The following KDM4B variants were observed in gnomAD, a reference collection of about 807,000 sequenced individuals.
KDM4B encodes lysine-specific demethylase 4B.
KDM4B carries 32 observed loss-of-function variants against 125.2 expected under a neutral mutation model. The observed-to-expected ratio is 0.26, with a 90% CI of 0.19 to 0.34. KDM4B has a LOEUF of 0.34. Ranked by LOEUF, KDM4B falls within the 10% of genes least tolerant of loss-of-function variation. The pLI is 1.00. For missense variants in KDM4B, 1,190 were observed against 1,577.7 expected (o/e 0.75, Z 4.16); for synonymous variants, 721 against 677.9 (o/e 1.06, Z -0.99).
intron 9 of KDM4B, among the ~76,000 whole-genome samples, chr19:5,089,717 A>G (rs1406921532): frequency 1.3e-5 from 2 of 151,120 alleles, no homozygotes; most frequent in Non-Finnish European, 2.9e-5. Flanking sequence ...AAAAAAACCC[A>G]CATACTCCTC....
chr19:5,036,805 C>T (rs1001702932), intron 3 of KDM4B, among the ~76,000 whole-genome samples: 20 of 152,226 alleles, frequency 1.3e-4, no homozygotes, highest in Non-Finnish European at 2.5e-4. Flanking sequence ...ATTTGCGTCT[C>T]GGCAGATTGT....
chr19:5,002,116 G>A (rs551456990), intron 1 of KDM4B, among the ~76,000 whole-genome samples: 61 of 151,912 alleles, frequency 4.0e-4, no homozygotes, highest in Non-Finnish European at 7.1e-4. Flanking sequence ...TCCTGCCTCA[G>A]CCTCCTGAGT....
Position 5,055,439 on chromosome 19 carries a change from A to C in KDM4B, c.626+7770A>C, listed in dbSNP as rs185891969. Among the ~76,000 whole-genome samples the C allele has an allele frequency of 3.8e-3, 582 of 152,216 alleles. 7 individuals are homozygous for C. Among genetic ancestry groups the C allele is most frequent in the Non-Finnish European group, 2.0e-3 (136 of 68,024 alleles). On this transcript the variant is annotated intron_variant, in intron 6 of 22. Coordinates refer to ENST00000159111, the MANE Select transcript of KDM4B (RefSeq NM_015015.3). ...CCAAGCTCTCCTCCAGAGCCGTGCCACTGAGCTGGGGACTTCCGGTGTTTG... is the reference window on the plus strand; with the variant it reads ...CCAAGCTCTCCTCCAGAGCCGTGCCCCTGAGCTGGGGACTTCCGGTGTTTG...
intron 22 of KDM4B, 67 bp from the exon 23 acceptor site, chr19:5,151,268 A>G: frequency 7.6e-7 from 1 of 1,317,904 alleles, no homozygotes; most frequent in Non-Finnish European, 9.9e-7. Flanking sequence ...CAGAGGCCAT[A>G]GACAGTGGCT....
chr19:5,047,338 TG>T (rs565046565), intron 5 of KDM4B, 137 bp from the exon 6 acceptor site: 382 of 733,450 alleles, frequency 5.2e-4, no homozygotes, highest in African/African-American at 8.7e-4. Flanking sequence ...GACCGGCCCC[TG>T]GGGGGGCCGC....
intron 9 of KDM4B, among the ~76,000 whole-genome samples, chr19:5,106,248 TTG>T (rs35386151): frequency 1.4e-3 from 209 of 151,300 alleles, no homozygotes; most frequent in African/African-American, 3.7e-3. Flanking sequence ...GTTAGAGTCA[TTG>T]TGTGTGTGTG....
intron 18 of KDM4B, chr19:5,140,600 C>G (rs56331801): frequency 1.3e-5 from 2 of 152,082 alleles, no homozygotes; most frequent in Non-Finnish European, 2.9e-5. Flanking sequence ...CTCTGCATGG[C>G]GGGACGTGCC....
At chr19:5,105,581 C>T (rs892000530) in intron 9 of KDM4B, among the ~76,000 whole-genome samples, 3 of 152,134 alleles carry the variant, frequency 2.0e-5, no homozygotes, top group Admixed American at 1.3e-4. Context: ...AGTAGGCGTG[C>T]ACCACCACAC....
chr19:5,014,218 T>G (rs984171564), intron 1 of KDM4B, among the ~76,000 whole-genome samples: 1 of 152,228 alleles, frequency 6.6e-6, no homozygotes, highest in Non-Finnish European at 1.5e-5. Flanking sequence ...CCTGGGCTCA[T>G]GCGATCCTCC....
intron 1 of KDM4B, among the ~76,000 whole-genome samples, chr19:4,992,294 C>G (rs1053521751): frequency 6.6e-6 from 1 of 152,124 alleles, no homozygotes; most frequent in Non-Finnish European, 1.5e-5. Flanking sequence ...ATCTTTGTTA[C>G]GTACTGTGCT....
chr19:5,135,634 C>T, intron 15 of KDM4B, 73 bp downstream of exon 15: 1 of 1,311,368 alleles, frequency 7.6e-7, no homozygotes, highest in African/African-American at 1.5e-5. Flanking sequence ...GGTGGGGGCT[C>T]CATCCTCCCC....
At position 5,100,209 on chromosome 19, in the gene KDM4B, C is replaced by T. The variant is rs544167551; in HGVS notation, c.919-10413C>T. Reference sequence around the variant, plus strand: ...CGTGTCTGATTTTTGTCACTTGCCCCTCCTTGGGCCTTTCCATCCATCTTT... The same window carrying T: ...CGTGTCTGATTTTTGTCACTTGCCCTTCCTTGGGCCTTTCCATCCATCTTT... On this transcript the variant is annotated intron_variant, in intron 9 of 22. Coordinates refer to ENST00000159111, the MANE Select transcript of KDM4B (RefSeq NM_015015.3). Among the ~76,000 whole-genome samples the T allele has an allele frequency of 2.6e-5, 4 of 152,326 alleles. No individual in the cohort carries two copies. The East Asian group carries it at 7.7e-4, about 29-fold the overall frequency.
At chr19:5,048,169 T>C (rs1236107762) in intron 6 of KDM4B, among the ~76,000 whole-genome samples, 1 of 151,978 alleles carries the variant, frequency 6.6e-6, no homozygotes, top group Non-Finnish European at 1.5e-5. Context: ...CTGTGTGCAG[T>C]GTGGTGGACC....
At chr19:5,119,598 C>G (rs1379957711) in intron 10 of KDM4B, 55 bp from the exon 11 acceptor site, 1 of 1,495,856 alleles carries the variant, frequency 6.7e-7, no homozygotes, top group Non-Finnish European at 9.1e-7. Context: ...GTGCACAGAC[C>G]TAGGGCTCTT....
intron 2 of KDM4B, among the ~76,000 whole-genome samples, chr19:5,019,831 G>A (rs1423332350): frequency 1.4e-5 from 2 of 146,290 alleles, no homozygotes; most frequent in Non-Finnish European, 3.0e-5. Flanking sequence ...ACGGTGTGCA[G>A]ATGTTGGTGT....
Position 5,047,792 on chromosome 19 carries a change from C to T in KDM4B, c.626+123C>T, listed in dbSNP as rs1599497630. ...ACCAGGTGAGGCCGCAAAGGTCGGC[C>T]TATGACGGCTGGAGATCTTCCGGAC... On this transcript the variant is annotated intron_variant, in intron 6 of 22. Transcript: ENST00000159111. The T allele has an allele frequency of 2.3e-5, 21 of 925,296 alleles. No homozygotes were observed. The East Asian group carries it at 5.3e-4, about 23-fold the overall frequency. The allele number at this position is 925,296 out of a possible 1,614,324, so 57.3% of individuals were successfully genotyped here. A position where few individuals can be genotyped will look rare whatever the true frequency, so the allele number is the denominator to read the frequency against.
rs954034550 is a variant in KDM4B, at chr19:5,097,542, C to T, written c.919-13080C>T. ...CACTGAGATGACAGGCGTGAGCCGC[C>T]GCGCCTGGCCTGTGCAGGCCTTGGT... On this transcript the variant is annotated intron_variant, in intron 9 of 22. Coordinates refer to ENST00000159111, the MANE Select transcript of KDM4B (RefSeq NM_015015.3). Among the ~76,000 whole-genome samples the T allele has an allele frequency of 5.9e-5, 9 of 152,332 alleles. No individual in the cohort carries two copies. In the South Asian group the frequency reaches 8.3e-4, roughly 14 times the overall value.
chr19:5,037,740 G>A (rs1321770566), intron 3 of KDM4B, among the ~76,000 whole-genome samples: 1 of 152,200 alleles, frequency 6.6e-6, no homozygotes, highest in African/African-American at 2.4e-5. Context: ...TCTACCTCAT[G>A]CCAGGAGCAC....
intron 6 of KDM4B, among the ~76,000 whole-genome samples, chr19:5,051,780 C>T (rs141343451): frequency 3.9e-5 from 6 of 152,350 alleles, no homozygotes; most frequent in Admixed American, 1.3e-4. Flanking sequence ...GCCCGGACTG[C>T]GACCTTGACC....
Sources: gnomAD v4.1 joint callset for allele counts (sites outside exome capture counted in the v4.1 genomes callset) on GRCh38, gnomAD v4.1.1 for gene constraint, MANE v1.5 for transcripts, NCBI Gene and HGNC (gene_info 2026-07-23, HGNC 2026-07-21) for gene names.